The following RNF144A variants were observed in gnomAD, a reference collection of about 807,000 sequenced individuals.
RNF144A encodes E3 ubiquitin-protein ligase RNF144A.
In RNF144A, 11 loss-of-function variants were observed where a neutral mutation model predicts 38.7. The ratio of observed to expected loss-of-function variants is 0.28; its 90% CI spans 0.18 to 0.47. The LOEUF is 0.47. Ranked by LOEUF, RNF144A falls within the 20% of genes least tolerant of loss-of-function variation. RNF144A has a pLI of 0.99. For synonymous variants in RNF144A, 149 were observed against 143.9 expected, an observed-to-expected ratio of 1.04 and a Z score of -0.25; for missense variants, 316 against 377.2, an observed-to-expected ratio of 0.84 and a Z score of 1.34.
intron 2 of RNF144A, among the ~76,000 whole-genome samples, chr2:6,985,527 C>CT (rs1480085852): frequency 6.6e-6 from 1 of 152,122 alleles, no homozygotes; most frequent in Non-Finnish European, 1.5e-5. Context: ...GGAGGAACCT[C>CT]TGGCATTGGA....
chr2:7,040,831 ATCT>A lies in RNF144A; in HGVS notation c.*1073_*1075del. 1 of 985,448 alleles carries A rather than the reference ATCT, an allele frequency of 1.0e-6. No individual in the cohort carries two copies. Among genetic ancestry groups the A allele is most frequent in the Non-Finnish European group, 1.2e-6 (1 of 829,936 alleles). 61.0% of individuals were successfully genotyped at this position (985,448 alleles called of 1,614,324 possible). ...TTCTAGTCATTTTGAGAAATCATAT[ATCT>A]TACACAGTTCCAAGTCCTGTTGCTA... On this transcript the variant is annotated 3_prime_UTR_variant, in exon 9 of 9. Coordinates refer to ENST00000320892, the MANE Select transcript of RNF144A (RefSeq NM_014746.6).
At chr2:6,976,946 T>A (rs1249112762) in intron 2 of RNF144A, among the ~76,000 whole-genome samples, 1 of 152,226 alleles carries the variant, frequency 6.6e-6, no homozygotes, top group East Asian at 1.9e-4. Context: ...ACTTGCAGCT[T>A]TTTAATATTA....
chr2:6,935,546 C>T (rs938579699), intron 1 of RNF144A, among the ~76,000 whole-genome samples: 1 of 152,178 alleles, frequency 6.6e-6, no homozygotes, highest in Admixed American at 6.5e-5. Context: ...CATTTGGCTT[C>T]CAGTGTTAAT....
At chr2:6,936,844 A>AGTGTGC (rs1665619532) in intron 1 of RNF144A, among the ~76,000 whole-genome samples, 1 of 144,092 alleles carries the variant, frequency 6.9e-6, no homozygotes, top group Non-Finnish European at 1.5e-5. Context: ...CACACACAGT[A>AGTGTGC]GTGTGTGTGT....
intron 3 of RNF144A, among the ~76,000 whole-genome samples, chr2:7,000,136 A>G (rs114156072): frequency 3.0e-3 from 453 of 152,292 alleles, no homozygotes; most frequent in Non-Finnish European, 5.0e-3. Flanking sequence ...GATTCTCTGG[A>G]GGTCACAAGA....
intron 5 of RNF144A, among the ~76,000 whole-genome samples, chr2:7,016,176 T>G (rs1035654592): frequency 1.3e-5 from 2 of 152,116 alleles, no homozygotes; most frequent in South Asian, 2.1e-4. Flanking sequence ...CAAACAGCAT[T>G]TTTCATGGCA....
chr2:7,030,694 A>G (rs1314749542), intron 8 of RNF144A, among the ~76,000 whole-genome samples: 2 of 152,130 alleles, frequency 1.3e-5, no homozygotes, highest in Non-Finnish European at 1.5e-5. Context: ...CACTTCGTGG[A>G]AGGCAGTTTT....
At chr2:7,070,712 T>C (rs569338337), downstream of RNF144A, among the ~76,000 whole-genome samples, 6 of 152,254 alleles carry the variant, frequency 3.9e-5, no homozygotes, top group African/African-American at 1.2e-4. Context: ...AGAGATGCAC[T>C]GAGAGCACGC....
At chr2:6,959,886 C>T (rs1206303279) in intron 2 of RNF144A, among the ~76,000 whole-genome samples, 2 of 152,166 alleles carry the variant, frequency 1.3e-5, no homozygotes, top group African/African-American at 4.8e-5. Context: ...AGTGAAGTTC[C>T]CAATTCCCCT....
chr2:7,003,669 C>T (rs1670260512), intron 3 of RNF144A, among the ~76,000 whole-genome samples: 1 of 152,188 alleles, frequency 6.6e-6, no homozygotes, highest in African/African-American at 2.4e-5. Flanking sequence ...ATACATTGTT[C>T]AGAATGTATT....
At position 6,917,715 on chromosome 2, in the gene RNF144A, G is replaced by T. The variant is rs1303179397; in HGVS notation, c.-212+93G>T. Reference sequence around the variant, plus strand: ...CGCGGCGCTGCGCGGCCGGCCTTGGGGCTCGGGGCTTGCGGCCGCGCCTGC... The same window carrying T: ...CGCGGCGCTGCGCGGCCGGCCTTGGTGCTCGGGGCTTGCGGCCGCGCCTGC... On this transcript the variant is annotated intron_variant, in intron 1 of 8. Transcript: ENST00000320892. This position sits in a 1 kb window ranked among gnomAD's most constrained non-coding sequence, Gnocchi z 4.8. 1 of 148,464 alleles carries T rather than the reference G, an allele frequency of 6.7e-6. No homozygotes were observed. Among genetic ancestry groups the T allele is most frequent in the African/African-American group, 2.4e-5 (1 of 41,014 alleles). 9.2% of individuals were successfully genotyped at this position (148,464 alleles called of 1,614,324 possible).
At chr2:7,066,426 A>C (rs1181218282) in intron 6 of RNF144A, among the ~76,000 whole-genome samples, 1 of 152,234 alleles carries the variant, frequency 6.6e-6, no homozygotes, top group African/African-American at 2.4e-5. Context: ...ATAGCTTAGA[A>C]CAATTTGGTA....
chr2:7,065,414 G>A (rs1674169659), intron 6 of RNF144A, among the ~76,000 whole-genome samples: 1 of 152,190 alleles, frequency 6.6e-6, no homozygotes, highest in South Asian at 2.1e-4. Context: ...TTCCTCAAAA[G>A]TGGGATGGGG....
At chr2:6,918,242 A>T (rs1030004125) in intron 1 of RNF144A, 5 of 152,274 alleles carry the variant, frequency 3.3e-5, no homozygotes, top group African/African-American at 1.2e-4. Flanking sequence ...CCGGGGAATG[A>T]GCCGCCGCCC....
At position 6,941,297 on chromosome 2, in the gene RNF144A, AG is replaced by A. The variant is rs1665958563; in HGVS notation, c.-12+152del. 1 of 152,242 alleles carries A rather than the reference AG, an allele frequency of 6.6e-6. No individual in the cohort carries two copies. Among genetic ancestry groups the A allele is most frequent in the East Asian group, 1.9e-4 (1 of 5,200 alleles). 9.4% of individuals were successfully genotyped at this position (152,242 alleles called of 1,614,324 possible). A position where few individuals can be genotyped will look rare whatever the true frequency, so the allele number is the denominator to read the frequency against. On this transcript the variant is annotated intron_variant, in intron 2 of 8. Coordinates refer to ENST00000320892, the MANE Select transcript of RNF144A (RefSeq NM_014746.6). The surrounding 1 kb of genome is among the most constrained non-coding windows in gnomAD (Gnocchi z 6.5). ...CATACCATAAAGGCAATTTTCTAGT[AG>A]GTTTCCCCGGAATGAATTTTAAGAT...
At chr2:6,935,151 G>A (rs577383787) in intron 1 of RNF144A, among the ~76,000 whole-genome samples, 5 of 152,038 alleles carry the variant, frequency 3.3e-5, no homozygotes, top group South Asian at 4.2e-4. Context: ...GTCCTCCTCC[G>A]CATTCATAGA....
chr2:7,058,054 A>C (rs1303957542), intron 6 of RNF144A, among the ~76,000 whole-genome samples: 2 of 152,182 alleles, frequency 1.3e-5, no homozygotes, highest in East Asian at 3.8e-4. Flanking sequence ...CACAACATGA[A>C]AGAGGCAAAG....
chr2:7,034,395 C>A (rs552371977), intron 8 of RNF144A, among the ~76,000 whole-genome samples: 3 of 152,304 alleles, frequency 2.0e-5, no homozygotes, highest in Admixed American at 6.5e-5. Flanking sequence ...AGTGGACGCC[C>A]ACCCTCCTTA....
intron 2 of RNF144A, among the ~76,000 whole-genome samples, chr2:6,986,453 T>A (rs1259722069): frequency 6.6e-6 from 1 of 152,136 alleles, no homozygotes; most frequent in Middle Eastern, 3.2e-3. Context: ...TGCCCCCTTG[T>A]TGAGCTGGCC....
Sources: allele counts gnomAD v4.1 joint callset (sites outside exome capture counted in the v4.1 genomes callset), GRCh38; gene constraint gnomAD v4.1.1; non-coding constraint Gnocchi (gnomAD v3.1); transcripts MANE v1.5; gene names NCBI Gene and HGNC (gene_info 2026-07-23, HGNC 2026-07-21).